IFRD2: variants seen among roughly 807,000 people sequenced by gnomAD.
The protein encoded by IFRD2 is interferon-related developmental regulator 2.
Under a neutral mutation model 49.2 loss-of-function variants are expected in IFRD2, and 35 were observed. The observed-to-expected ratio is 0.71, with a 90% CI of 0.54 to 0.94. The LOEUF (loss-of-function observed/expected upper bound fraction) is 0.94, where lower values mean the gene tolerates loss of function less well. IFRD2 is among the 40% of genes least tolerant of loss of function. The pLI is 0.00. For synonymous variants in IFRD2, 275 were observed against 239.7 expected (o/e 1.15, Z -1.36); for missense variants, 561 against 591.6 (o/e 0.95, Z 0.54).
At position 50,292,232 on chromosome 3, in the gene IFRD2, G is replaced by T; in HGVS notation, c.43C>A (p.Gln15Lys). Reference protein sequence around the residue: ...RKGNTLRKGGQRRGGGARSSA... With the variant: ...RKGNTLRKGGKRRGGGARSSA... The stretch of plus-strand genomic sequence containing the variant: ...CCCCACTCACCTCCTCCACGGCGCT[G>T]ACCACCCTTCCGGAGCGTGTTGCCC... Residue 15 changes from glutamine (Q) to lysine (K), a missense_variant, in exon 1 of 12, where the codon CAG (glutamine) becomes AAG (lysine). Transcript: ENST00000417626. The T allele has an allele frequency of 6.7e-7, 1 of 1,500,200 alleles. No individual in the cohort carries two copies. Among genetic ancestry groups the T allele is most frequent in the South Asian group, 1.3e-5 (1 of 74,932 alleles). 92.9% of individuals were successfully genotyped at this position (1,500,200 alleles called of 1,614,324 possible).
rs374366991 is a variant in IFRD2, at chr3:50,288,817, C to T, written c.1006G>A (p.Val336Met). 6.3e-5 allele frequency: 101 copies of T among 1,613,248 alleles called. No homozygotes were observed. Among genetic ancestry groups the T allele is most frequent in the East Asian group, 1.1e-4 (5 of 44,880 alleles). ...ACACACACCTCCACGGAGTGCAGCACGGCGCGGAAAGTAGAGCGCTGGCGC... is the reference window on the plus strand; with the variant it reads ...ACACACACCTCCACGGAGTGCAGCATGGCGCGGAAAGTAGAGCGCTGGCGC... ...RRRQRSTFRA[V>M]LHSVEGGECE... Residue 336 changes from valine to methionine, a missense_variant, in exon 9 of 12, where the codon GTG becomes ATG. By Grantham distance (21) the Val-to-Met change is conservative. Coordinates refer to ENST00000417626, the MANE Select transcript of IFRD2 (RefSeq NM_006764.5).
intron 11 of IFRD2, 31 bp from the exon 12 acceptor site, chr3:50,288,302 G>A (rs782371747): frequency 1.9e-6 from 3 of 1,610,970 alleles, no homozygotes; most frequent in Non-Finnish European, 2.5e-6. Flanking sequence ...GACACCCTGG[G>A]GAGCTGGGAA....
Position 50,289,980 on chromosome 3 carries a change from C to G in IFRD2, c.495G>C (p.Leu165=). ...TGCTGTCACTGAGCACAGAGACCAGCAGAGGCTGCAGGCTGTGAAACAGCT... is the reference window on the plus strand; with the variant it reads ...TGCTGTCACTGAGCACAGAGACCAGGAGAGGCTGCAGGCTGTGAAACAGCT... The part of the protein sequence containing the change: ...GEELFHSLQP[L]LVSVLSDSTA... The change falls in exon 5 of 12, where the codon CTG becomes CTC. Residue 165 remains leucine (L), a synonymous_variant. Coordinates refer to ENST00000417626, the MANE Select transcript of IFRD2 (RefSeq NM_006764.5). 6.2e-7 allele frequency: 1 copy of G among 1,612,792 alleles called. No homozygotes were observed. Among genetic ancestry groups the G allele is most frequent in the Non-Finnish European group, 8.5e-7 (1 of 1,179,506 alleles).
chr3:50,290,978 C>A (rs1405312593), intron 1 of IFRD2, among the ~76,000 whole-genome samples: 3 of 150,874 alleles, frequency 2.0e-5, no homozygotes, highest in African/African-American at 7.3e-5. Flanking sequence ...CAAAGTCCAG[C>A]CTGCGCACTG....
Position 50,287,958 on chromosome 3 carries a change from A to G in IFRD2, c.*233T>C. 1 of 540,090 alleles carries G rather than the reference A, an allele frequency of 1.9e-6. No individual in the cohort carries two copies. 33.5% of individuals were successfully genotyped at this position (540,090 alleles called of 1,614,324 possible). A position where few individuals can be genotyped will look rare whatever the true frequency, so the allele number is the denominator to read the frequency against. On this transcript the variant is annotated 3_prime_UTR_variant, in exon 12 of 12. Coordinates refer to ENST00000417626, the MANE Select transcript of IFRD2 (RefSeq NM_006764.5). ...TGCCCCACAGCCCTGAGGAAGGCAC[A>G]TATTTAGCCTGGCCTGAGACAGGAC...
rs782471035 is a variant in IFRD2, at chr3:50,290,409, A to G, written c.242T>C (p.Val81Ala). The change falls in exon 3 of 12, where the codon GTG (valine) becomes GCG (alanine). Residue 81 changes from valine (V) to alanine (A), a missense_variant. Physicochemically the swap from Val to Ala is moderately conservative, Grantham distance 64. Transcript: ENST00000417626. The part of the protein sequence containing the change: ...EDLEEKLKEY[V>A]DCLTDKSAKT... ...GTACCTCTTGTCTGTGAGACAGTCC[A>G]CATACTCCTTCAGCTTTTCCTCAAG... 1.9e-6 allele frequency: 3 copies of G among 1,580,638 alleles called. No individual in the cohort carries two copies. The highest frequency in any genetic ancestry group is 1.2e-5 in the South Asian group (1 of 86,884).
chr3:50,288,602 C>G lies in IFRD2; in HGVS notation c.1133G>C (p.Gly378Ala), dbSNP rs1701606426. 6.2e-7 allele frequency: 1 copy of G among 1,613,962 alleles called. No individual in the cohort carries two copies. Among genetic ancestry groups the G allele is most frequent in the East Asian group, 2.2e-5 (1 of 44,880 alleles). The change falls in exon 10 of 12, where the codon GGC becomes GCC. Residue 378 changes from glycine (G) to alanine (A), a missense_variant. By Grantham distance (60) the Gly-to-Ala change is moderately conservative. Coordinates refer to ENST00000417626, the MANE Select transcript of IFRD2 (RefSeq NM_006764.5). ...CCGCACCTGGAGGTGGTGGTGCATG[C>G]CCGAACCCAGCACTTCCTTGAAGGC... The part of the protein sequence containing the change: ...YAAFKEVLGS[G>A]MHHHLQNNEL...
At position 50,289,207 on chromosome 3, in the gene IFRD2, G is replaced by A. The variant is rs1264307917; in HGVS notation, c.885+48C>T. On this transcript the variant is annotated intron_variant, in intron 8 of 11. Transcript: ENST00000417626. ...GTGGCACCCCCTGCATCCAGCCTGT[G>A]ATGGGCAGGTGGTGTCACCAAGCAC... 9 of 1,470,020 alleles carry A rather than the reference G, an allele frequency of 6.1e-6. No homozygotes were observed. In the South Asian group the frequency reaches 8.5e-5, roughly 14 times the overall value. 91.1% of individuals were successfully genotyped at this position (1,470,020 alleles called of 1,614,324 possible). A position where few individuals can be genotyped will look rare whatever the true frequency, so the allele number is the denominator to read the frequency against.
Position 50,292,226 on chromosome 3 carries a change from G to A in IFRD2, c.49C>T (p.Arg17Cys), listed in dbSNP as rs868921139. The A allele has an allele frequency of 2.7e-6, 4 of 1,484,778 alleles. No homozygotes were observed. Among genetic ancestry groups the A allele is most frequent in the Non-Finnish European group, 3.6e-6 (4 of 1,120,464 alleles). The allele number at this position is 1,484,778 out of a possible 1,614,324, so 92.0% of individuals were successfully genotyped here. ...GNTLRKGGQR[R>C]GGGARSSAQA... The stretch of plus-strand genomic sequence containing the variant: ...CCCCCACCCCACTCACCTCCTCCAC[G>A]GCGCTGACCACCCTTCCGGAGCGTG... The change falls in exon 1 of 12, where the codon CGT becomes TGT. Residue 17 changes from arginine to cysteine, a missense_variant. Physicochemically the swap from Arg to Cys is radical, Grantham distance 180. Transcript: ENST00000417626.
rs367665524 is a variant in IFRD2, at chr3:50,289,521, G to C, written c.705C>G (p.Leu235=). 5.1e-5 allele frequency: 80 copies of C among 1,584,034 alleles called. No individual in the cohort carries two copies. The highest frequency in any genetic ancestry group is 9.3e-5 in the East Asian group (4 of 43,134). The change falls in exon 7 of 12, where the codon CTC becomes CTG. Residue 235 remains leucine (L), a synonymous_variant. Coordinates refer to ENST00000417626, the MANE Select transcript of IFRD2 (RefSeq NM_006764.5). ...PVVPASLHGL[L]SAALQAWALL... ...ATGCCCAGGCCTGCAGGGCAGCAGA[G>C]AGCAGGCCGTGCAGGCTGGCAGGAA...
chr3:50,288,708 C>T lies in IFRD2; in HGVS notation c.1027G>A (p.Gly343Ser), dbSNP rs1365193321. The T allele has an allele frequency of 4.0e-5, 64 of 1,613,140 alleles. No individual in the cohort carries two copies. Among genetic ancestry groups the T allele is most frequent in the Non-Finnish European group, 5.3e-5 (62 of 1,179,630 alleles). ...CGCACTATCTCTTCTTCGCATTCAC[C>T]GCCCTGCAGGGTAGAGGTGCCAACA... ...FRAVLHSVEGGECEEEIVRFG... is the reference protein window; with the variant it reads ...FRAVLHSVEGSECEEEIVRFG... Residue 343 changes from glycine to serine, a missense_variant, in exon 10 of 12, where the codon GGT becomes AGT. Physicochemically the swap from Gly to Ser is moderately conservative, Grantham distance 56. Coordinates refer to ENST00000417626, the MANE Select transcript of IFRD2 (RefSeq NM_006764.5).
Position 50,290,547 on chromosome 3 carries a change from C to T in IFRD2, c.178+13G>A, listed in dbSNP as rs781944631. On this transcript the variant is annotated intron_variant, in intron 2 of 11. Transcript: ENST00000417626. ...CCTCACCAAGCCCCTGTCAAACTTC[C>T]ACCCGCTCTCACCAAGGCTGTCCTC... 4 of 1,613,244 alleles carry T rather than the reference C, an allele frequency of 2.5e-6. No homozygotes were observed. The highest frequency in any genetic ancestry group is 2.7e-5 in the African/African-American group (2 of 75,052).
At chr3:50,288,365 G>T (rs782691760) in intron 11 of IFRD2, 44 bp downstream of exon 11, 4 of 1,605,726 alleles carry the variant, frequency 2.5e-6, no homozygotes, top group Non-Finnish European at 3.4e-6. Flanking sequence ...AGGCCTCCAG[G>T]AAATGGGAAT....
Position 50,288,109 on chromosome 3 carries a change from G to A in IFRD2, c.*82C>T, listed in dbSNP as rs1553708870. On this transcript the variant is annotated 3_prime_UTR_variant, in exon 12 of 12. Coordinates refer to ENST00000417626, the MANE Select transcript of IFRD2 (RefSeq NM_006764.5). ...TAAAAAAAATAAAGTGACAAATACT[G>A]GTGGAGACCAGTTGTTGCACTGTCT... 3 of 1,209,618 alleles carry A rather than the reference G, an allele frequency of 2.5e-6. No homozygotes were observed. The highest frequency in any genetic ancestry group is 3.6e-6 in the Non-Finnish European group (3 of 831,776). 74.9% of individuals were successfully genotyped at this position (1,209,618 alleles called of 1,614,324 possible). A position where few individuals can be genotyped will look rare whatever the true frequency, so the allele number is the denominator to read the frequency against.
Position 50,290,085 on chromosome 3 carries a change from C to G in IFRD2, c.390G>C (p.Gly130=). The part of the protein sequence containing the change: ...ADALEKCLKK[G]KGEEQALAAA... ...CAGCCAGGGCTTGTTCCTCGCCCTT[C>G]CCTGTGGGATGCTTTCCAGTCAGCC... Residue 130 remains glycine, a splice_region_variant and synonymous_variant, in exon 5 of 12, where the codon GGG becomes GGC. Coordinates refer to ENST00000417626, the MANE Select transcript of IFRD2 (RefSeq NM_006764.5). 6.2e-7 allele frequency: 1 copy of G among 1,613,566 alleles called. No individual in the cohort carries two copies. Among genetic ancestry groups the G allele is most frequent in the Non-Finnish European group, 8.5e-7 (1 of 1,179,602 alleles).
rs1178351375 is a variant in IFRD2, at chr3:50,288,862, G to A, written c.961C>T (p.Arg321Cys). 1.6e-5 allele frequency: 26 copies of A among 1,613,430 alleles called. No homozygotes were observed. Among genetic ancestry groups the A allele is most frequent in the Non-Finnish European group, 1.8e-5 (21 of 1,179,694 alleles). The stretch of plus-strand genomic sequence containing the variant: ...TGGCGCCGACGATCAGCCTTGGCAC[G>A]GTACTTGTTACTGTCAGTGGCCAGA... Reference protein sequence around the residue: ...RTLATDSNKYRAKADRRRQRS... With the variant: ...RTLATDSNKYCAKADRRRQRS... The change falls in exon 9 of 12, where the codon CGT becomes TGT. Residue 321 changes from arginine (R) to cysteine (C), a missense_variant. Coordinates refer to ENST00000417626, the MANE Select transcript of IFRD2 (RefSeq NM_006764.5).
In IFRD2 at chr3:50,289,491, C is replaced by T. The variant is rs782717811; in HGVS notation, c.735G>A (p.Leu245=). The T allele has an allele frequency of 6.3e-7, 1 of 1,583,628 alleles. No homozygotes were observed. The highest frequency in any genetic ancestry group is 1.1e-5 in the South Asian group (1 of 86,984). ...LSAALQAWAL[L]LTICPSTQIS... is the part of the protein sequence containing the mutation. ...TTTGGGTGCTAGGGCAGATGGTGAG[C>T]AGCAATGCCCAGGCCTGCAGGGCAG... Residue 245 remains leucine, a synonymous_variant, in exon 7 of 12, where the codon CTG becomes CTA. Transcript: ENST00000417626.
chr3:50,290,685 G>C lies in IFRD2; in HGVS notation c.59-6C>G. The C allele has an allele frequency of 6.2e-7, 1 of 1,613,112 alleles. No individual in the cohort carries two copies. The highest frequency in any genetic ancestry group is 1.1e-5 in the South Asian group (1 of 90,742). On this transcript the variant is annotated splice_region_variant and splice_polypyrimidine_tract_variant and intron_variant, in intron 1 of 11. Coordinates refer to ENST00000417626, the MANE Select transcript of IFRD2 (RefSeq NM_006764.5). ...TTGGGCACTGCTCCGGGCACCTGGA[G>C]AAGGTGGAATAGGACACTCAACTTG... is the stretch of plus-strand genomic sequence containing the variant.
intron 1 of IFRD2, among the ~76,000 whole-genome samples, chr3:50,290,894 CAG>C (rs1701660152): frequency 6.6e-6 from 1 of 152,042 alleles, no homozygotes; most frequent in Non-Finnish European, 1.5e-5. Context: ...GCTGCTGTGG[CAG>C]AGTTTTGGAC....
Sources: allele counts gnomAD v4.1 joint callset (sites outside exome capture counted in the v4.1 genomes callset), GRCh38; gene constraint gnomAD v4.1.1; transcripts MANE v1.5; gene names NCBI Gene and HGNC (gene_info 2026-07-23, HGNC 2026-07-21).